SIL1: variants seen among roughly 807,000 people sequenced by gnomAD.
SIL1 encodes SIL1 nucleotide exchange factor.
A neutral mutation model predicts 49.1 loss-of-function variants in SIL1; 40 were observed. The ratio of observed to expected loss-of-function variants is 0.81; its 90% CI spans 0.63 to 1.06. The LOEUF is 1.06. SIL1 is among the 50% of genes least tolerant of loss of function. The probability of loss-of-function intolerance (pLI) is 0.00; values close to 1 mark genes in which losing one functional copy is unlikely to be tolerated. For missense variants in SIL1, 500 were observed against 572.6 expected (o/e 0.87, Z 1.29); for synonymous variants, 253 against 250.8 (o/e 1.01, Z -0.08).
intron 5 of SIL1, among the ~76,000 whole-genome samples, chr5:139,027,231 T>C (rs756853553): frequency 1.3e-5 from 2 of 152,242 alleles, no homozygotes; most frequent in Non-Finnish European, 2.9e-5. Flanking sequence ...GATTCGCTTA[T>C]TCAAGTCCGA....
chr5:139,188,254 C>G (rs1000114106), intron 1 of SIL1, among the ~76,000 whole-genome samples: 5 of 152,082 alleles, frequency 3.3e-5, no homozygotes, highest in Non-Finnish European at 5.9e-5. Flanking sequence ...AATAAGAGGG[C>G]GCTTCTGTAA....
chr5:139,014,744 C>T (rs1397844531), intron 7 of SIL1, among the ~76,000 whole-genome samples: 1 of 152,130 alleles, frequency 6.6e-6, no homozygotes, highest in Admixed American at 6.5e-5. Context: ...TATGACTATC[C>T]AATTTCCTAG....
chr5:139,029,424 G>A (rs1026641689), intron 5 of SIL1, among the ~76,000 whole-genome samples: 8 of 152,172 alleles, frequency 5.3e-5, no homozygotes, highest in African/African-American at 1.9e-4. Flanking sequence ...TTGAAAGTAC[G>A]AAGGGTGAAA....
At chr5:139,020,873 C>T (rs1768508357) in intron 7 of SIL1, among the ~76,000 whole-genome samples, 1 of 152,192 alleles carries the variant, frequency 6.6e-6, no homozygotes, top group Non-Finnish European at 1.5e-5. Context: ...TCCCCTCCCT[C>T]TCTACTATTT....
intron 7 of SIL1, among the ~76,000 whole-genome samples, chr5:139,001,820 G>C (rs1767989488): frequency 6.6e-6 from 1 of 152,064 alleles, no homozygotes. Flanking sequence ...CAGGAGAATG[G>C]TGTGAACCCG....
chr5:139,135,259 GATA>G (rs1288956241), intron 1 of SIL1, among the ~76,000 whole-genome samples: 1 of 152,144 alleles, frequency 6.6e-6, no homozygotes, highest in African/African-American at 2.4e-5. Flanking sequence ...GTACAATGGG[GATA>G]ATATCTCCCC....
chr5:138,947,813 C>G lies in SIL1; in HGVS notation c.1030-340G>C, dbSNP rs992974690. On this transcript the variant is annotated intron_variant, in intron 9 of 9. Coordinates refer to ENST00000394817, the MANE Select transcript of SIL1 (RefSeq NM_022464.5). This position sits in a 1 kb window ranked among gnomAD's most constrained non-coding sequence, Gnocchi z 4.1. ...TGCAGCATGGAGGCAGACAGGCTGG[C>G]TTCAAATTCCTGCTCCACCACTGAC... Among the ~76,000 whole-genome samples the G allele has an allele frequency of 6.6e-6, 1 of 152,210 alleles. No homozygotes were observed. Among genetic ancestry groups the G allele is most frequent in the Admixed American group, 6.5e-5 (1 of 15,290 alleles).
Position 139,105,029 on chromosome 5 carries a change from C to A in SIL1, c.244+16006G>T, listed in dbSNP as rs567694092. Among the ~76,000 whole-genome samples, 14 of 152,220 alleles carry A rather than the reference C, an allele frequency of 9.2e-5. No individual in the cohort carries two copies. In the East Asian group the frequency reaches 2.7e-3, roughly 29 times the overall value. On this transcript the variant is annotated intron_variant, in intron 3 of 9. Transcript: ENST00000394817. ...CAAGAAGCACACGCAATGAGGGGAG[C>A]AGGGCAGGGATAGGGCGGCAGGACT...
chr5:139,159,105 G>GA (rs1482392322), intron 1 of SIL1, among the ~76,000 whole-genome samples: 39 of 149,102 alleles, frequency 2.6e-4, no homozygotes, highest in East Asian at 1.4e-3. Context: ...GAGAGAGAGG[G>GA]AAAAAAAAAA....
rs576253896 is a variant in SIL1 at position 139,157,857 on chromosome 5, T to C, written c.-10-30004A>G. ...GGAATTTACTAATGTAGTACAATAA[T>C]AGTTAATTCATTAAAGTACCCAGAG... On this transcript the variant is annotated intron_variant, in intron 1 of 9. Coordinates refer to ENST00000394817, the MANE Select transcript of SIL1 (RefSeq NM_022464.5). Among the ~76,000 whole-genome samples the C allele has an allele frequency of 1.1e-4, 16 of 152,308 alleles. No homozygotes were observed. The East Asian group carries it at 3.1e-3, about 29-fold the overall frequency.
At chr5:139,121,363 T>C (rs762023463) in intron 2 of SIL1, among the ~76,000 whole-genome samples, 190 bp from the exon 3 acceptor site, 9 of 152,168 alleles carry the variant, frequency 5.9e-5, no homozygotes, top group Non-Finnish European at 1.0e-4. Flanking sequence ...TATGGCTAAA[T>C]GAATGCAGCA....
intron 3 of SIL1, among the ~76,000 whole-genome samples, chr5:139,061,938 T>C (rs1313544838): frequency 2.0e-5 from 3 of 152,084 alleles, no homozygotes; most frequent in Non-Finnish European, 4.4e-5. Flanking sequence ...AATACAAAAA[T>C]ATAGAACAGG....
intron 3 of SIL1, among the ~76,000 whole-genome samples, chr5:139,091,041 T>C (rs1367095024): frequency 1.3e-5 from 2 of 152,160 alleles, no homozygotes; most frequent in African/African-American, 4.8e-5. Context: ...ATATACAAAA[T>C]GAAAACATAT....
chr5:139,150,454 A>G (rs1007116022), intron 1 of SIL1, among the ~76,000 whole-genome samples: 3 of 152,152 alleles, frequency 2.0e-5, no homozygotes, highest in African/African-American at 4.8e-5. Context: ...TATCTACTAA[A>G]TATGTCCCTC....
At chr5:138,955,799 G>A (rs1202573666) in intron 7 of SIL1, among the ~76,000 whole-genome samples, 1 of 152,224 alleles carries the variant, frequency 6.6e-6, no homozygotes, top group Non-Finnish European at 1.5e-5. Context: ...TTTGAGTGTG[G>A]GGTCCTGTGC....
chr5:138,983,491 G>T (rs562543413), intron 7 of SIL1, among the ~76,000 whole-genome samples: 1 of 151,092 alleles, frequency 6.6e-6, no homozygotes, highest in Non-Finnish European at 1.5e-5. Context: ...CTGGGCGACA[G>T]AGCGAGATTT....
At chr5:138,967,988 G>A (rs551564844) in intron 7 of SIL1, among the ~76,000 whole-genome samples, 7 of 152,224 alleles carry the variant, frequency 4.6e-5, no homozygotes, top group African/African-American at 1.7e-4. Context: ...AGGCCTGTGG[G>A]GTGTTCCTGC....
intron 7 of SIL1, among the ~76,000 whole-genome samples, chr5:138,954,103 C>T (rs1350135880): frequency 6.6e-6 from 1 of 152,152 alleles, no homozygotes; most frequent in African/African-American, 2.4e-5. Context: ...GGGTCGGGAG[C>T]CACCCACAGC....
chr5:139,124,997 A>T (rs530485829), intron 2 of SIL1, among the ~76,000 whole-genome samples: 3 of 152,204 alleles, frequency 2.0e-5, no homozygotes, highest in Non-Finnish European at 4.4e-5. Flanking sequence ...GTGCCCTGAG[A>T]GCTGAGGGAA....
Sources: gnomAD v4.1 joint callset for allele counts (sites outside exome capture counted in the v4.1 genomes callset) on GRCh38, gnomAD v4.1.1 for gene constraint, Gnocchi (gnomAD v3.1) non-coding constraint, MANE v1.5 for transcripts, NCBI Gene and HGNC (gene_info 2026-07-23, HGNC 2026-07-21) for gene names.